Variants in RBFOX1 observed in about 807,000 individuals in gnomAD.
RBFOX1 encodes the protein RNA binding protein fox-1 homolog 1.
Under a neutral mutation model 57.7 loss-of-function variants are expected in RBFOX1, and 8 were observed. The observed-to-expected ratio is 0.14, with a 90% confidence interval of 0.08 to 0.25. The LOEUF (loss-of-function observed/expected upper bound fraction) is 0.25. Among genes scored for constraint, RBFOX1 ranks in the 10% least tolerant of loss-of-function variants. The pLI is 1.00. For missense variants in RBFOX1, 611 were observed against 548.5 expected, an observed-to-expected ratio of 1.11 and a Z score of -1.14; for synonymous variants, 326 against 222.4, an observed-to-expected ratio of 1.47 and a Z score of -4.15.
chr16:7,132,139 C>G (rs539274659), intron 4 of RBFOX1, among the ~76,000 whole-genome samples: 1 of 151,956 alleles, frequency 6.6e-6, no homozygotes, highest in East Asian at 1.9e-4. Context: ...TTCCACCATG[C>G]CCAGCTAATT....
chr16:5,470,576 G>A (rs2069101848), intron 2 of RBFOX1, among the ~76,000 whole-genome samples: 1 of 152,100 alleles, frequency 6.6e-6, no homozygotes, highest in South Asian at 2.1e-4. Context: ...ACAATTCAGT[G>A]GGCGTCACCC....
intron 2 of RBFOX1, among the ~76,000 whole-genome samples, chr16:5,540,418 G>C (rs2044883017): frequency 6.6e-6 from 1 of 152,192 alleles, no homozygotes; most frequent in Non-Finnish European, 1.5e-5. Flanking sequence ...ATTTTCGTTT[G>C]TTGGTTGGTC....
At chr16:5,825,193 T>C (rs2151813344) in intron 3 of RBFOX1, among the ~76,000 whole-genome samples, 1 of 152,346 alleles carries the variant, frequency 6.6e-6, no homozygotes, top group East Asian at 1.9e-4. Context: ...CTTCAAAACC[T>C]TGCAAGCGTT....
intron 1 of RBFOX1, among the ~76,000 whole-genome samples, chr16:6,057,528 G>A (rs534401579): frequency 6.6e-6 from 1 of 152,018 alleles, no homozygotes; most frequent in South Asian, 2.1e-4. Context: ...GTTGAAACAC[G>A]ACAGGCTTGG....
chr16:7,344,002 T>C (rs1007153203), intron 4 of RBFOX1, among the ~76,000 whole-genome samples: 1 of 151,714 alleles, frequency 6.6e-6, no homozygotes, highest in Non-Finnish European at 1.5e-5. Flanking sequence ...AATAATAGCC[T>C]CAATCTTGAG....
At chr16:6,841,091 C>CT (rs199826577) in intron 3 of RBFOX1, among the ~76,000 whole-genome samples, 24 of 150,690 alleles carry the variant, frequency 1.6e-4, no homozygotes, top group East Asian at 1.4e-3. Context: ...TTTTTAGCAC[C>CT]TTTTTTTTTC....
chr16:7,269,305 T>G (rs2153105891), intron 4 of RBFOX1, among the ~76,000 whole-genome samples: 1 of 152,246 alleles, frequency 6.6e-6, no homozygotes, highest in South Asian at 2.1e-4. Flanking sequence ...TAATTCTGTT[T>G]AGAAAAGCAA....
rs531679792 is a variant in RBFOX1 at position 5,681,420 on chromosome 16, C to G, written c.318+82459C>G. ...TTTTTTTTTTTGAGGTGGAGTTTCTCTCTTGTTGTCCAGCCTGGAGTGCAA... is the reference window on the plus strand; with the variant it reads ...TTTTTTTTTTTGAGGTGGAGTTTCTGTCTTGTTGTCCAGCCTGGAGTGCAA... On this transcript the variant is annotated intron_variant, in intron 3 of 19. Coordinates refer to the RBFOX1 transcript ENST00000641259. 1.2e-4 allele frequency among the ~76,000 whole-genome samples: 17 copies of G among 139,926 alleles called. No individual in the cohort carries two copies. The South Asian group carries it at 3.9e-3, about 32-fold the overall frequency. The allele number at this position is 139,926 out of a possible 152,430, so 91.8% of individuals were successfully genotyped here.
At chr16:6,157,064 G>C (rs1409044981) in intron 1 of RBFOX1, among the ~76,000 whole-genome samples, 1 of 151,780 alleles carries the variant, frequency 6.6e-6, no homozygotes, top group African/African-American at 2.4e-5. Context: ...TCTCACTCCT[G>C]GTCTCCAGTG....
intron 1 of RBFOX1, among the ~76,000 whole-genome samples, chr16:6,221,921 C>G (rs1388688759): frequency 1.3e-5 from 2 of 152,140 alleles, no homozygotes; most frequent in Non-Finnish European, 2.9e-5. Context: ...GGGACACAGC[C>G]AAACCGTATC....
rs1379419507 is a variant in RBFOX1 at position 6,973,284 on chromosome 16, C to G, written c.-15-78773C>G. On this transcript the variant is annotated intron_variant, in intron 3 of 15. Coordinates refer to ENST00000550418, the MANE Select transcript of RBFOX1 (RefSeq NM_018723.4). ...GTAAGTACTTGGAATCAAGTTGATG[C>G]ATTTTCTTATGTGCCATGCAGACAA... 2.0e-5 allele frequency among the ~76,000 whole-genome samples: 3 copies of G among 152,104 alleles called. No individual in the cohort carries two copies. In the East Asian group the frequency reaches 5.8e-4, roughly 29 times the overall value.
chr16:5,693,359 A>G (rs1421554729), intron 3 of RBFOX1, among the ~76,000 whole-genome samples: 2 of 82,778 alleles, frequency 2.4e-5, no homozygotes, highest in South Asian at 4.9e-4. Context: ...AAGCATATAT[A>G]GGCAGATCAA....
At chr16:7,432,927 A>G (rs1219863759) in intron 4 of RBFOX1, among the ~76,000 whole-genome samples, 3 of 152,222 alleles carry the variant, frequency 2.0e-5, no homozygotes, top group Non-Finnish European at 4.4e-5. Flanking sequence ...CAGAGGATTC[A>G]ATGTGTCAAG....
chr16:7,115,690 A>G (rs1370118151), intron 4 of RBFOX1, among the ~76,000 whole-genome samples: 1 of 152,242 alleles, frequency 6.6e-6, no homozygotes, highest in Non-Finnish European at 1.5e-5. Flanking sequence ...CACCCAAGAC[A>G]GAGAATCCAG....
chr16:6,602,152 T>G (rs1397623247), intron 2 of RBFOX1, among the ~76,000 whole-genome samples: 1 of 152,168 alleles, frequency 6.6e-6, no homozygotes, highest in Admixed American at 6.5e-5. Flanking sequence ...CCTTTGCCCA[T>G]TTTTTAATTT....
At chr16:6,029,888 A>C (rs1331794954) in intron 1 of RBFOX1, among the ~76,000 whole-genome samples, 1 of 151,848 alleles carries the variant, frequency 6.6e-6, no homozygotes, top group East Asian at 1.9e-4. Context: ...GAAGAATTCA[A>C]CTCTCTAATG....
intron 4 of RBFOX1, among the ~76,000 whole-genome samples, chr16:7,188,609 A>G (rs1169226932): frequency 1.3e-5 from 2 of 152,200 alleles, no homozygotes; most frequent in Non-Finnish European, 2.9e-5. Flanking sequence ...TTTATGCTGC[A>G]GACTTTTCCA....
chr16:6,789,382 T>C (rs1254957736), intron 3 of RBFOX1, among the ~76,000 whole-genome samples: 4 of 152,046 alleles, frequency 2.6e-5, no homozygotes, highest in Admixed American at 6.6e-5. Flanking sequence ...TGTTAAGGGG[T>C]CCTAGGTGTT....
chr16:7,110,452 A>T (rs946292812), intron 4 of RBFOX1, among the ~76,000 whole-genome samples: 3 of 152,158 alleles, frequency 2.0e-5, no homozygotes. Context: ...ATGAGTGGAG[A>T]CAAGACTTCA....
Sources: gnomAD v4.1 joint callset for allele counts (sites outside exome capture counted in the v4.1 genomes callset) on GRCh38, gnomAD v4.1.1 for gene constraint, MANE v1.5 for transcripts, NCBI Gene and HGNC (gene_info 2026-07-23, HGNC 2026-07-21) for gene names.